The following AGMO variants were observed in gnomAD, a reference collection of about 807,000 sequenced individuals.
AGMO encodes the protein alkylglycerol monooxygenase.
AGMO carries 75 observed loss-of-function variants against 60.2 expected under a neutral mutation model. The ratio of observed to expected loss-of-function variants is 1.25; its 90% CI spans 1.03 to 1.51. AGMO has a LOEUF of 1.51. Among genes scored for constraint, AGMO ranks in the 40% most tolerant of loss-of-function variants. The pLI is 0.00. For synonymous variants in AGMO, 261 were observed against 177.1 expected, an observed-to-expected ratio of 1.47 and a Z score of -3.76; for missense variants, 763 against 525.5, an observed-to-expected ratio of 1.45 and a Z score of -4.42.
chr7:15,224,000 G>A (rs1346277298), intron 12 of AGMO, among the ~76,000 whole-genome samples: 1 of 151,968 alleles, frequency 6.6e-6, no homozygotes, highest in African/African-American at 2.4e-5. Flanking sequence ...CTATTATGAT[G>A]AACCTCTGGC....
At chr7:15,206,585 C>T (rs1249290124) in intron 12 of AGMO, among the ~76,000 whole-genome samples, 1 of 151,908 alleles carries the variant, frequency 6.6e-6, no homozygotes, top group Non-Finnish European at 1.5e-5. Flanking sequence ...CAGTTCTTAG[C>T]TGATGAAAAA....
At chr7:15,493,008 A>T (rs910860477) in intron 3 of AGMO, among the ~76,000 whole-genome samples, 2 of 152,184 alleles carry the variant, frequency 1.3e-5, no homozygotes, top group Non-Finnish European at 2.9e-5. Context: ...CAAAGCTGCT[A>T]TAAGCATTTT....
chr7:15,357,251 G>A lies in AGMO; in HGVS notation c.1263+8263C>T, dbSNP rs112706591. 1.3e-4 allele frequency among the ~76,000 whole-genome samples: 19 copies of A among 146,554 alleles called. 2 individuals carry two copies. Among genetic ancestry groups the A allele is most frequent in the East Asian group, 4.1e-4 (2 of 4,824 alleles). On this transcript the variant is annotated intron_variant, in intron 12 of 12. Transcript: ENST00000342526. ...TGTTTCACCTTGAACCCAAAAGTAC[G>A]TATATAGCAGACTAGCATACTTACC...
At chr7:15,524,588 C>A (rs1194916334) in intron 3 of AGMO, among the ~76,000 whole-genome samples, 3 of 152,084 alleles carry the variant, frequency 2.0e-5, no homozygotes, top group Non-Finnish European at 2.9e-5. Flanking sequence ...TGTGGCCGGG[C>A]ACACTGGCTC....
At chr7:15,366,767 C>T (rs1258391524) in intron 10 of AGMO, among the ~76,000 whole-genome samples, 1 of 151,996 alleles carries the variant, frequency 6.6e-6, no homozygotes, top group African/African-American at 2.4e-5. Flanking sequence ...AACGCTTAAA[C>T]ATTAAGCATT....
chr7:15,425,012 T>C (rs372026197), intron 4 of AGMO, among the ~76,000 whole-genome samples: 116 of 152,334 alleles, frequency 7.6e-4, no homozygotes, highest in African/African-American at 2.5e-3. Flanking sequence ...CTAAGGTTTC[T>C]CTGCAGTCTC....
intron 12 of AGMO, among the ~76,000 whole-genome samples, chr7:15,241,104 T>C (rs946276626): frequency 6.6e-6 from 1 of 151,796 alleles, no homozygotes; most frequent in Admixed American, 6.6e-5. Context: ...TCAGGAAAAG[T>C]GAATATCCCA....
intron 12 of AGMO, among the ~76,000 whole-genome samples, chr7:15,327,545 G>C (rs1416760295): frequency 2.0e-5 from 3 of 151,830 alleles, no homozygotes; most frequent in Non-Finnish European, 4.4e-5. Flanking sequence ...ATAAATATTA[G>C]ACAACTGAGA....
chr7:15,371,617 C>G lies in AGMO; in HGVS notation c.1075-5395G>C, dbSNP rs548875745. Among the ~76,000 whole-genome samples, 284 of 152,172 alleles carry G rather than the reference C, an allele frequency of 1.9e-3. 3 individuals are homozygous for G. The highest frequency in any genetic ancestry group is 7.2e-4 in the Non-Finnish European group (49 of 67,998). On this transcript the variant is annotated intron_variant, in intron 10 of 12. Coordinates refer to ENST00000342526, the MANE Select transcript of AGMO (RefSeq NM_001004320.2). ...TCACCATGTTGACCAGGCTTGGTCT[C>G]GAACTCCTGACCTCAGGTGATCTGC... is the stretch of plus-strand genomic sequence containing the variant.
intron 4 of AGMO, among the ~76,000 whole-genome samples, chr7:15,427,611 G>A (rs1781103571): frequency 6.6e-6 from 1 of 152,058 alleles, no homozygotes; most frequent in African/African-American, 2.4e-5. Context: ...TATAATGTCA[G>A]AAAAAATGAA....
chr7:15,137,467 T>A, the AGMO span, among the ~76,000 whole-genome samples: 1 of 152,226 alleles, frequency 6.6e-6, no homozygotes, highest in Non-Finnish European at 1.5e-5. Context: ...TGTAGAGAAT[T>A]TTGAAGAATA....
chr7:15,334,935 G>A (rs1194514906), intron 12 of AGMO, among the ~76,000 whole-genome samples: 3 of 152,072 alleles, frequency 2.0e-5, no homozygotes, highest in African/African-American at 7.2e-5. Context: ...GCCTTTACTG[G>A]CTCTATTTTA....
At chr7:15,305,284 T>C (rs930447206) in intron 12 of AGMO, among the ~76,000 whole-genome samples, 1 of 147,838 alleles carries the variant, frequency 6.8e-6, no homozygotes, top group East Asian at 2.0e-4. Flanking sequence ...AAGTGAAAAA[T>C]ATTGCCTAAA....
chr7:15,548,539 T>C (rs971400066), intron 2 of AGMO, among the ~76,000 whole-genome samples: 2 of 152,128 alleles, frequency 1.3e-5, no homozygotes, highest in African/African-American at 2.4e-5. Flanking sequence ...CAGGAGCCGA[T>C]GTGATCAACT....
chr7:15,474,121 C>T (rs985456190), intron 3 of AGMO, among the ~76,000 whole-genome samples: 1 of 152,110 alleles, frequency 6.6e-6, no homozygotes, highest in African/African-American at 2.4e-5. Context: ...AATGGCTATA[C>T]TGCCCAAAGT....
chr7:15,291,811 A>AT (rs1423814734), intron 12 of AGMO, among the ~76,000 whole-genome samples: 1 of 152,168 alleles, frequency 6.6e-6, no homozygotes, highest in Non-Finnish European at 1.5e-5. Context: ...GTAAAAACTC[A>AT]TAAAGGACAT....
chr7:15,418,689 A>G (rs1328952798), intron 4 of AGMO, 36 bp from the exon 5 acceptor site: 1 of 1,286,858 alleles, frequency 7.8e-7, no homozygotes, highest in Non-Finnish European at 1.1e-6. Context: ...TAATTTGCAT[A>G]TATGAATTCT....
intron 12 of AGMO, among the ~76,000 whole-genome samples, chr7:15,287,503 C>A (rs1784132065): frequency 6.6e-6 from 1 of 152,056 alleles, no homozygotes; most frequent in Admixed American, 6.6e-5. Context: ...TTGTTCTATT[C>A]TGAACAAAAG....
chr7:15,189,781 T>C, the AGMO span, among the ~76,000 whole-genome samples: 1 of 151,458 alleles, frequency 6.6e-6, no homozygotes, highest in African/African-American at 2.4e-5. Flanking sequence ...GAAAAAGCTA[T>C]TTCTTGTTGA....
Sources: allele counts gnomAD v4.1 joint callset (sites outside exome capture counted in the v4.1 genomes callset), GRCh38; gene constraint gnomAD v4.1.1; transcripts MANE v1.5; gene names NCBI Gene and HGNC (gene_info 2026-07-23, HGNC 2026-07-21).